CCDC171: variants seen among roughly 807,000 people sequenced by gnomAD.
CCDC171 encodes coiled-coil domain-containing protein 171.
CCDC171 carries 177 observed loss-of-function variants against 168.2 expected under a neutral mutation model. The ratio of observed to expected loss-of-function variants is 1.05; its 90% CI spans 0.93 to 1.19. The LOEUF is 1.19. Ranked by LOEUF, CCDC171 falls within the 50% of genes most tolerant of loss-of-function variation. The pLI is 0.00. For synonymous variants in CCDC171, 687 were observed against 540.8 expected, an observed-to-expected ratio of 1.27 and a Z score of -3.75; for missense variants, 1,991 against 1,539.0, an observed-to-expected ratio of 1.29 and a Z score of -4.91.
At chr9:15,995,886 A>G (rs979751617) in intron 3 of CCDC171, among the ~76,000 whole-genome samples, 2 of 151,952 alleles carry the variant, frequency 1.3e-5, no homozygotes, top group African/African-American at 4.8e-5. Context: ...GGGTAGATCC[A>G]CTCTTTCAAT....
At chr9:15,797,304 C>T (rs529974106) in intron 21 of CCDC171, among the ~76,000 whole-genome samples, 1 of 152,252 alleles carries the variant, frequency 6.6e-6, no homozygotes, top group African/African-American at 2.4e-5. Context: ...GCAACCTCTG[C>T]CTCCTGGGCT....
chr9:15,984,753 G>C (rs1054077978), intron 3 of CCDC171, among the ~76,000 whole-genome samples: 12 of 152,028 alleles, frequency 7.9e-5, no homozygotes, highest in African/African-American at 2.4e-4. Flanking sequence ...TACAAAATCT[G>C]CTCTATAAAT....
At chr9:15,911,280 C>T (rs200793043) in intron 24 of CCDC171, among the ~76,000 whole-genome samples, 1 of 152,106 alleles carries the variant, frequency 6.6e-6, no homozygotes, top group Non-Finnish European at 1.5e-5. Context: ...TTTGATTTGC[C>T]TTTCTCTAAT....
At chr9:15,592,228 T>G (rs200041234) in intron 5 of CCDC171, among the ~76,000 whole-genome samples, 1 of 150,372 alleles carries the variant, frequency 6.7e-6, no homozygotes, top group African/African-American at 2.5e-5. Context: ...AGTAGGGAGG[T>G]TGAGGTGGGA....
intron 24 of CCDC171, among the ~76,000 whole-genome samples, chr9:15,909,134 T>G (rs1823222696): frequency 6.6e-6 from 1 of 152,206 alleles, no homozygotes; most frequent in Admixed American, 6.5e-5. Flanking sequence ...TTTCACTATG[T>G]AACAACTTTT....
intron 23 of CCDC171, among the ~76,000 whole-genome samples, chr9:15,854,437 C>T (rs1221455106): frequency 6.6e-6 from 1 of 151,290 alleles, no homozygotes; most frequent in East Asian, 1.9e-4. Flanking sequence ...TAGTAATGTC[C>T]TCATTTTTAT....
chr9:15,673,367 G>A (rs1243285163), intron 9 of CCDC171, among the ~76,000 whole-genome samples: 1 of 152,098 alleles, frequency 6.6e-6, no homozygotes, highest in African/African-American at 2.4e-5. Context: ...TGATTGCCCT[G>A]GCCAGAAGTT....
chr9:15,584,123 TC>T (rs1204037362), intron 4 of CCDC171, among the ~76,000 whole-genome samples: 1 of 152,218 alleles, frequency 6.6e-6, no homozygotes, highest in African/African-American at 2.4e-5. Flanking sequence ...CGCCTCGGCC[TC>T]CCAAAGTGCT....
At chr9:16,076,126 A>G in the CCDC171 span, among the ~76,000 whole-genome samples, 1 of 152,300 alleles carries the variant, frequency 6.6e-6, no homozygotes, top group East Asian at 1.9e-4. Context: ...CAGCTAGTCA[A>G]TTGATTCTGC....
chr9:15,558,560 C>G (rs1247177734), intron 1 of CCDC171, among the ~76,000 whole-genome samples: 1 of 152,176 alleles, frequency 6.6e-6, no homozygotes. Flanking sequence ...GTTTGTATTT[C>G]TGTGGGATCA....
chr9:15,753,582 T>G (rs1440243993), intron 18 of CCDC171, among the ~76,000 whole-genome samples: 2 of 152,094 alleles, frequency 1.3e-5, no homozygotes, highest in Admixed American at 1.3e-4. Flanking sequence ...ACACAATAAT[T>G]AAGACCCTGA....
chr9:15,902,803 C>T (rs1055082849), intron 24 of CCDC171, among the ~76,000 whole-genome samples: 15 of 152,138 alleles, frequency 9.9e-5, no homozygotes, highest in East Asian at 7.7e-4. Flanking sequence ...GGGTGACGGA[C>T]GGCACCTGGA....
intron 2 of CCDC171, among the ~76,000 whole-genome samples, chr9:15,569,672 G>A (rs139098975): frequency 0.024 from 3,687 of 151,580 alleles, 151 homozygotes; most frequent in African/African-American, 0.085. Context: ...AAAATTAGCC[G>A]GGCGTGGTGG....
Position 16,037,612 on chromosome 9 carries a change from A to G in CCDC171, n.1181+1406A>G, listed in dbSNP as rs189906741. On this transcript the variant is annotated intron_variant and non_coding_transcript_variant, in intron 8 of 9. Transcript: ENST00000486641. Reference sequence around the variant, plus strand: ...CATAAAATTAGGAATTGAAAACATAATAAATTATGACAATATATAAGGTAC... The same window carrying G: ...CATAAAATTAGGAATTGAAAACATAGTAAATTATGACAATATATAAGGTAC... Among the ~76,000 whole-genome samples, 186 of 152,374 alleles carry G rather than the reference A, an allele frequency of 1.2e-3. 1 individual carries two copies. Among genetic ancestry groups the G allele is most frequent in the African/African-American group, 4.3e-3 (177 of 41,600 alleles).
intron 20 of CCDC171, among the ~76,000 whole-genome samples, chr9:15,782,333 C>G (rs1002717385): frequency 6.6e-6 from 1 of 152,132 alleles, no homozygotes; most frequent in Admixed American, 6.5e-5. Flanking sequence ...TTTATTAGCT[C>G]CTTACACTTG....
At chr9:16,047,626 T>G (rs1255223809) in intron 1 of CCDC171, among the ~76,000 whole-genome samples, 1 of 152,182 alleles carries the variant, frequency 6.6e-6, no homozygotes, top group African/African-American at 2.4e-5. Flanking sequence ...TGAAATCCAG[T>G]AGTTTAGCCA....
At chr9:16,040,100 G>A (rs1833548393), upstream of CCDC171, among the ~76,000 whole-genome samples, 1 of 152,142 alleles carries the variant, frequency 6.6e-6, no homozygotes, top group African/African-American at 2.4e-5. Flanking sequence ...GAGGGAAGGT[G>A]AGGGCCAGCT....
At chr9:15,639,076 A>C (rs1183458828) in intron 7 of CCDC171, among the ~76,000 whole-genome samples, 2 of 152,060 alleles carry the variant, frequency 1.3e-5, no homozygotes, top group Admixed American at 6.6e-5. Flanking sequence ...AAAGGGTAAA[A>C]GGTAGCATCT....
intron 18 of CCDC171, among the ~76,000 whole-genome samples, chr9:15,770,453 AG>A (rs1296700891): frequency 6.6e-6 from 1 of 152,182 alleles, no homozygotes; most frequent in African/African-American, 2.4e-5. Context: ...TATTCTTAGA[AG>A]GGGAGCCATA....
Sources: allele counts gnomAD v4.1 joint callset (sites outside exome capture counted in the v4.1 genomes callset), GRCh38; gene constraint gnomAD v4.1.1; transcripts MANE v1.5; gene names NCBI Gene and HGNC (gene_info 2026-07-23, HGNC 2026-07-21).